The following PRKCB variants were observed in gnomAD, a reference collection of about 807,000 sequenced individuals.
PRKCB encodes the protein protein kinase C beta, also known as protein kinase C beta type.
A neutral mutation model predicts 81.5 loss-of-function variants in PRKCB; 13 were observed. The observed-to-expected ratio is 0.16, with a 90% confidence interval of 0.10 to 0.25. The LOEUF is 0.25. Among genes scored for constraint, PRKCB ranks in the 10% least tolerant of loss-of-function variants. The pLI is 1.00. For missense variants in PRKCB, 509 were observed against 875.7 expected (o/e 0.58, Z 5.29); for synonymous variants, 335 against 321.4 (o/e 1.04, Z -0.45).
chr16:24,033,275 G>A (rs1386851467), intron 4 of PRKCB, among the ~76,000 whole-genome samples: 1 of 152,130 alleles, frequency 6.6e-6, no homozygotes, highest in Non-Finnish European at 1.5e-5. Context: ...GTGACAGAGA[G>A]GACTGTGAGG....
intron 3 of PRKCB, among the ~76,000 whole-genome samples, chr16:24,014,015 C>T (rs923401059): frequency 6.6e-6 from 1 of 152,320 alleles, no homozygotes; most frequent in East Asian, 1.9e-4. Context: ...CTGTAATTCA[C>T]AAACTCACCG....
intron 2 of PRKCB, among the ~76,000 whole-genome samples, chr16:23,924,762 A>T (rs1963874335): frequency 6.6e-6 from 1 of 152,098 alleles, no homozygotes; most frequent in Admixed American, 6.5e-5. Context: ...CTCACTACGA[A>T]AAAATGCATA....
intron 2 of PRKCB, among the ~76,000 whole-genome samples, chr16:23,882,234 C>T (rs760862303): frequency 1.3e-5 from 2 of 151,446 alleles, no homozygotes; most frequent in Non-Finnish European, 2.9e-5. Context: ...CACACACTAC[C>T]ATGCCCGGTT....
intron 8 of PRKCB, 87 bp from the exon 9 acceptor site, chr16:24,123,748 A>G (rs1448740637): frequency 4.2e-6 from 6 of 1,418,992 alleles, no homozygotes; most frequent in African/African-American, 1.4e-5. Flanking sequence ...AGCTGCAGGA[A>G]CTACAGCTTC....
At chr16:24,160,090 A>G (rs1046196551) in intron 10 of PRKCB, among the ~76,000 whole-genome samples, 1 of 152,118 alleles carries the variant, frequency 6.6e-6, no homozygotes, top group South Asian at 2.1e-4. Context: ...TTTCTATTCA[A>G]TGGAAACTGA....
intron 2 of PRKCB, among the ~76,000 whole-genome samples, chr16:23,968,164 A>G (rs897906824): frequency 9.9e-5 from 15 of 152,158 alleles, no homozygotes; most frequent in Non-Finnish European, 1.8e-4. Flanking sequence ...GATGGAATCT[A>G]GGTTCAAACC....
intron 8 of PRKCB, among the ~76,000 whole-genome samples, chr16:24,122,995 T>C (rs977461020): frequency 6.6e-6 from 1 of 152,206 alleles, no homozygotes; most frequent in African/African-American, 2.4e-5. Flanking sequence ...AGTTGGGAAC[T>C]ATACTAGTTG....
intron 5 of PRKCB, among the ~76,000 whole-genome samples, chr16:24,087,941 C>A (rs1045616010): frequency 2.0e-5 from 3 of 152,164 alleles, no homozygotes; most frequent in Non-Finnish European, 4.4e-5. Context: ...CACGCTTCTC[C>A]TGTACTCTTT....
chr16:24,184,879 AAATAAT>A (rs1223464234), intron 13 of PRKCB, among the ~76,000 whole-genome samples: 2 of 152,210 alleles, frequency 1.3e-5, no homozygotes, highest in African/African-American at 4.8e-5. Context: ...ACTGTTTTGA[AAATAAT>A]AATAACAATA....
At chr16:24,192,597 A>G (rs530941280) in intron 16 of PRKCB, among the ~76,000 whole-genome samples, 1 of 152,194 alleles carries the variant, frequency 6.6e-6, no homozygotes, top group Non-Finnish European at 1.5e-5. Flanking sequence ...TCTCTTGGCC[A>G]GATGCACACG....
chr16:24,022,555 G>T (rs537309607), intron 3 of PRKCB, among the ~76,000 whole-genome samples: 1 of 151,984 alleles, frequency 6.6e-6, no homozygotes, highest in East Asian at 1.9e-4. Flanking sequence ...GCAGTGGTGC[G>T]ATCTCAGCTC....
At position 24,216,618 on chromosome 16, in the gene PRKCB, T is replaced by C. The variant is rs114738789; in HGVS notation, c.*1802T>C. The C allele has an allele frequency of 4.3e-4, 427 of 985,458 alleles. No homozygotes were observed. In the African/African-American group the frequency reaches 7.1e-3, roughly 16 times the overall value. 61.0% of individuals were successfully genotyped at this position (985,458 alleles called of 1,614,324 possible). The stretch of plus-strand genomic sequence containing the variant: ...GAAAAATGGGGTTTGGATTTCTGCT[T>C]AGGCAAAGTCTCCTGCAGTTCATCC... On this transcript the variant is annotated 3_prime_UTR_variant, in exon 17 of 17. Transcript: ENST00000643927.
chr16:24,014,988 A>G (rs1034497510), intron 3 of PRKCB, among the ~76,000 whole-genome samples: 5 of 152,088 alleles, frequency 3.3e-5, no homozygotes, highest in Admixed American at 2.0e-4. Flanking sequence ...TTTAGAAGAG[A>G]TGGGGTTTTA....
At chr16:23,995,235 G>A (rs1484675988) in intron 3 of PRKCB, among the ~76,000 whole-genome samples, 2 of 152,228 alleles carry the variant, frequency 1.3e-5, no homozygotes, top group Non-Finnish European at 2.9e-5. Context: ...AGTGTGTTAT[G>A]CTGGCCTACT....
At chr16:24,088,786 C>G (rs1966340046) in intron 5 of PRKCB, among the ~76,000 whole-genome samples, 1 of 151,636 alleles carries the variant, frequency 6.6e-6, no homozygotes, top group African/African-American at 2.4e-5. Flanking sequence ...AAATACAACA[C>G]TCTTGTCCAG....
chr16:23,993,919 A>G (rs1032361587), intron 3 of PRKCB, among the ~76,000 whole-genome samples: 1 of 152,188 alleles, frequency 6.6e-6, no homozygotes, highest in African/African-American at 2.4e-5. Context: ...AAGTGAACAG[A>G]AGTCTAACTT....
intron 2 of PRKCB, among the ~76,000 whole-genome samples, chr16:23,914,247 T>G (rs909356468): frequency 1.3e-5 from 2 of 152,220 alleles, no homozygotes; most frequent in Non-Finnish European, 2.9e-5. Context: ...ACTCCTGGCC[T>G]CAAGTGATCC....
chr16:23,882,031 T>TTCCTTCCTTCCTTCCA (rs1963129430), intron 2 of PRKCB, among the ~76,000 whole-genome samples: 1 of 128,184 alleles, frequency 7.8e-6, no homozygotes, highest in Non-Finnish European at 1.7e-5. Context: ...TCTTCCTTCC[T>TTCCTTCCTTCCTTCCA]TCCTTCCTTC....
intron 2 of PRKCB, among the ~76,000 whole-genome samples, chr16:23,908,481 C>T (rs1436180857): frequency 6.6e-6 from 1 of 152,108 alleles, no homozygotes; most frequent in African/African-American, 2.4e-5. Flanking sequence ...AGATAGAGAG[C>T]CAGAACTCAG....
Sources: gnomAD v4.1 joint callset for allele counts (sites outside exome capture counted in the v4.1 genomes callset) on GRCh38, gnomAD v4.1.1 for gene constraint, MANE v1.5 for transcripts, NCBI Gene and HGNC (gene_info 2026-07-23, HGNC 2026-07-21) for gene names.